Variants in OPCML observed in about 807,000 individuals in gnomAD.
The protein encoded by OPCML is opioid binding protein/cell adhesion molecule like.
OPCML carries 13 observed loss-of-function variants against 37.8 expected under a neutral mutation model. The ratio of observed to expected loss-of-function variants is 0.34; its 90% confidence interval spans 0.22 to 0.55. OPCML has a LOEUF of 0.55. Ranked by LOEUF, OPCML falls within the 20% of genes least tolerant of loss-of-function variation. OPCML has a pLI of 0.91. For missense variants in OPCML, 341 were observed against 435.6 expected (o/e 0.78, Z 1.93); for synonymous variants, 176 against 168.8 (o/e 1.04, Z -0.33).
chr11:132,992,861 G>A (rs1946807059), intron 1 of OPCML, among the ~76,000 whole-genome samples: 1 of 152,188 alleles, frequency 6.6e-6, no homozygotes, highest in African/African-American at 2.4e-5. Flanking sequence ...GTTACCAGCA[G>A]AAGATTATTG....
At chr11:132,733,303 A>G (rs911704484) in intron 2 of OPCML, among the ~76,000 whole-genome samples, 2 of 152,092 alleles carry the variant, frequency 1.3e-5, no homozygotes, top group African/African-American at 4.8e-5. Flanking sequence ...GATACAAGAC[A>G]AAGGAGATAA....
At chr11:132,433,088 G>A (rs1592165584) in intron 7 of OPCML, among the ~76,000 whole-genome samples, 2 of 152,152 alleles carry the variant, frequency 1.3e-5, no homozygotes, top group South Asian at 4.1e-4. Flanking sequence ...GTGAGATAGG[G>A]TGGGTTATAG....
intron 3 of OPCML, among the ~76,000 whole-genome samples, chr11:132,594,358 G>A (rs973993931): frequency 5.3e-5 from 8 of 152,090 alleles, no homozygotes; most frequent in African/African-American, 1.9e-4. Context: ...GCTATCCGAT[G>A]CTGTCAATAA....
At chr11:132,476,581 A>G (rs878887589) in intron 4 of OPCML, among the ~76,000 whole-genome samples, 5 of 152,190 alleles carry the variant, frequency 3.3e-5, no homozygotes, top group Admixed American at 6.5e-5. Context: ...TCAGCAAACT[A>G]TCACAAGGAC....
intron 1 of OPCML, among the ~76,000 whole-genome samples, chr11:132,983,694 T>C (rs549420546): frequency 5.9e-5 from 9 of 152,324 alleles, no homozygotes; most frequent in South Asian, 4.1e-4. Context: ...GTCTCCCATA[T>C]CATCCAGGAA....
intron 7 of OPCML, among the ~76,000 whole-genome samples, chr11:132,425,448 G>A (rs973895219): frequency 3.9e-5 from 6 of 152,172 alleles, no homozygotes; most frequent in Non-Finnish European, 7.4e-5. Context: ...CTTTGGACAA[G>A]ACCGCCGACT....
At chr11:133,139,640 T>A (rs192115758) in intron 1 of OPCML, among the ~76,000 whole-genome samples, 8 of 152,298 alleles carry the variant, frequency 5.3e-5, no homozygotes, top group Admixed American at 2.0e-4. Context: ...ACTGATATTC[T>A]TTAGTGGGAG....
At chr11:133,354,312 G>GGGGTGATGGTGGTGATAATGGTGA (rs1944228818) in intron 1 of OPCML, among the ~76,000 whole-genome samples, 1 of 4,250 alleles carries the variant, frequency 2.4e-4, no homozygotes, top group African/African-American at 8.7e-4. Flanking sequence ...TGACGTGTTG[G>GGGGTGATGGTGGTGATAATGGTGA]TAGTGGTGGT....
chr11:133,023,364 C>G (rs1947489307), intron 1 of OPCML, among the ~76,000 whole-genome samples: 2 of 152,172 alleles, frequency 1.3e-5, no homozygotes, highest in African/African-American at 4.8e-5. Context: ...CTCCATACAG[C>G]ATCATTACGT....
At chr11:132,956,205 T>C (rs569277587) in intron 1 of OPCML, among the ~76,000 whole-genome samples, 32 of 152,298 alleles carry the variant, frequency 2.1e-4, no homozygotes, top group African/African-American at 7.5e-4. Context: ...CATACACTAC[T>C]GATGTTGGAA....
intron 2 of OPCML, among the ~76,000 whole-genome samples, chr11:132,715,608 C>A (rs1459233892): frequency 6.6e-6 from 1 of 152,174 alleles, no homozygotes; most frequent in Non-Finnish European, 1.5e-5. Context: ...AAGAGGACAG[C>A]TTGCTTTCTC....
chr11:133,267,737 T>C lies in OPCML; in HGVS notation c.61+264527A>G, dbSNP rs181659422. On this transcript the variant is annotated intron_variant, in intron 1 of 7. Coordinates refer to ENST00000524381, the MANE Select transcript of OPCML (RefSeq NM_001012393.5). ...GACCCAGTGGGAGGTAATTGAATCATGTGGATGGGTCTTTCCCGTGCTGTT... is the reference window on the plus strand; with the variant it reads ...GACCCAGTGGGAGGTAATTGAATCACGTGGATGGGTCTTTCCCGTGCTGTT... Among the ~76,000 whole-genome samples, 250 of 152,236 alleles carry C rather than the reference T, an allele frequency of 1.6e-3. 3 individuals carry two copies. Among genetic ancestry groups the C allele is most frequent in the African/African-American group, 5.5e-3 (228 of 41,550 alleles).
intron 1 of OPCML, among the ~76,000 whole-genome samples, chr11:133,076,443 C>T (rs1465892326): frequency 6.6e-6 from 1 of 152,142 alleles, no homozygotes; most frequent in African/African-American, 2.4e-5. Context: ...AAAAATGTCC[C>T]TGCATATGGG....
intron 1 of OPCML, among the ~76,000 whole-genome samples, chr11:133,099,904 G>A (rs1193964235): frequency 1.3e-5 from 2 of 152,118 alleles, no homozygotes; most frequent in Admixed American, 1.3e-4. Flanking sequence ...TTCACTGTGT[G>A]AAGCTCTTTA....
chr11:132,733,120 T>A (rs1007332714), intron 2 of OPCML, among the ~76,000 whole-genome samples: 2 of 152,082 alleles, frequency 1.3e-5, no homozygotes, highest in Non-Finnish European at 2.9e-5. Context: ...AAGATAAAAA[T>A]CATCACGAAG....
chr11:133,269,892 A>G (rs1941775102), intron 1 of OPCML, among the ~76,000 whole-genome samples: 1 of 152,244 alleles, frequency 6.6e-6, no homozygotes, highest in Non-Finnish European at 1.5e-5. Flanking sequence ...ATGATAATGA[A>G]AGAAATGAAT....
chr11:132,613,471 A>G (rs1157440421), intron 3 of OPCML, among the ~76,000 whole-genome samples: 1 of 152,218 alleles, frequency 6.6e-6, no homozygotes, highest in Non-Finnish European at 1.5e-5. Flanking sequence ...GATTTTATAT[A>G]CCTAAGCATT....
intron 3 of OPCML, among the ~76,000 whole-genome samples, chr11:132,534,728 A>G (rs976533852): frequency 6.6e-6 from 1 of 152,134 alleles, no homozygotes; most frequent in African/African-American, 2.4e-5. Flanking sequence ...ATGGCTCCTC[A>G]TCTGTACAAT....
intron 1 of OPCML, among the ~76,000 whole-genome samples, chr11:132,958,372 G>T (rs776809276): frequency 3.9e-5 from 6 of 152,204 alleles, no homozygotes; most frequent in African/African-American, 9.7e-5. Context: ...TTTAAGGAAA[G>T]AAACCATTTT....
Sources: gnomAD v4.1 joint callset for allele counts (sites outside exome capture counted in the v4.1 genomes callset) on GRCh38, gnomAD v4.1.1 for gene constraint, MANE v1.5 for transcripts, NCBI Gene and HGNC (gene_info 2026-07-23, HGNC 2026-07-21) for gene names.